HVCN1: variants seen among roughly 807,000 people sequenced by gnomAD.
HVCN1 encodes the protein voltage-gated hydrogen channel 1.
A neutral mutation model predicts 29.2 loss-of-function variants in HVCN1; 14 were observed. The observed-to-expected ratio is 0.48, with a 90% CI of 0.32 to 0.75. The LOEUF (loss-of-function observed/expected upper bound fraction) is 0.75. Among genes scored for constraint, HVCN1 ranks in the 30% least tolerant of loss-of-function variants. The probability of loss-of-function intolerance (pLI) is 0.04; values close to 1 mark genes in which losing one functional copy is unlikely to be tolerated. For synonymous variants in HVCN1, 131 were observed against 133.2 expected, an observed-to-expected ratio of 0.98 and a Z score of 0.11; for missense variants, 263 against 341.8, an observed-to-expected ratio of 0.77 and a Z score of 1.82.
At chr12:110,672,386 C>T (rs2068608446) in intron 3 of HVCN1, among the ~76,000 whole-genome samples, 1 of 152,182 alleles carries the variant, frequency 6.6e-6, no homozygotes, top group Non-Finnish European at 1.5e-5. Context: ...CCGGAAACCA[C>T]CTCAAAGTCT....
intron 2 of HVCN1, among the ~76,000 whole-genome samples, chr12:110,700,570 T>C (rs931400099): frequency 5.3e-5 from 8 of 152,142 alleles, no homozygotes; most frequent in African/African-American, 1.9e-4. Context: ...GGCAACTCAT[T>C]GTACTTGGGA....
At position 110,661,720 on chromosome 12, in the gene HVCN1, C is replaced by T. The variant is rs1336111864; in HGVS notation, c.22-272G>A. 2.0e-5 allele frequency among the ~76,000 whole-genome samples: 3 copies of T among 152,172 alleles called. No homozygotes were observed. The highest frequency in any genetic ancestry group is 4.4e-5 in the Non-Finnish European group (3 of 68,042). On this transcript the variant is annotated intron_variant, in intron 3 of 7. Transcript: ENST00000242607. This position sits in a 1 kb window ranked among gnomAD's most constrained non-coding sequence, Gnocchi z 6.2. ...AACCAACGGAATCAGTACTGCAGCCCGGTCCCAAAACACCCGCCACGGGCC... is the reference window on the plus strand; with the variant it reads ...AACCAACGGAATCAGTACTGCAGCCTGGTCCCAAAACACCCGCCACGGGCC...
Position 110,661,857 on chromosome 12 carries a change from A to G in HVCN1, c.22-409T>C, listed in dbSNP as rs1416050138. Among the ~76,000 whole-genome samples, 1 of 151,860 alleles carries G rather than the reference A, an allele frequency of 6.6e-6. No homozygotes were observed. The highest frequency in any genetic ancestry group is 2.4e-5 in the African/African-American group (1 of 41,322). ...GGAGAAGCCAAAAGTAAAAGTACCC[A>G]GAGTTTCATAGAAAAGTCACGAGAT... On this transcript the variant is annotated intron_variant, in intron 3 of 7. Coordinates refer to ENST00000242607, the MANE Select transcript of HVCN1 (RefSeq NM_032369.4). This position sits in a 1 kb window ranked among gnomAD's most constrained non-coding sequence, Gnocchi z 6.2.
At position 110,658,241 on chromosome 12, in the gene HVCN1, G is replaced by C. The variant is rs956653834; in HGVS notation, c.307-2903C>G. ...TAACTATTAATATATCAAGCACCTT[G>C]GCCATCTCAAACCACCCAAGAAAGG... On this transcript the variant is annotated intron_variant, in intron 4 of 7. Transcript: ENST00000242607. This position sits in a 1 kb window ranked among gnomAD's most constrained non-coding sequence, Gnocchi z 5.0. Among the ~76,000 whole-genome samples, 2 of 151,978 alleles carry C rather than the reference G, an allele frequency of 1.3e-5. No homozygotes were observed. Among genetic ancestry groups the C allele is most frequent in the Admixed American group, 6.6e-5 (1 of 15,264 alleles).
At chr12:110,696,775 A>G in intron 2 of HVCN1, among the ~76,000 whole-genome samples, 1 of 152,144 alleles carries the variant, frequency 6.6e-6, no homozygotes, top group East Asian at 1.9e-4. Flanking sequence ...TTATGGCCAA[A>G]GAATATTCCA....
chr12:110,661,541 T>C lies in HVCN1; in HGVS notation c.22-93A>G. ...CGGGCCAGGCCACTGCAGGTGAAGA[T>C]GGTCCCGGGTGCGTAGAACCCCCTG... On this transcript the variant is annotated intron_variant, in intron 3 of 7. Coordinates refer to ENST00000242607, the MANE Select transcript of HVCN1 (RefSeq NM_032369.4). This position sits in a 1 kb window ranked among gnomAD's most constrained non-coding sequence, Gnocchi z 6.2. 1 of 1,216,926 alleles carries C rather than the reference T, an allele frequency of 8.2e-7. No homozygotes were observed. Among genetic ancestry groups the C allele is most frequent in the South Asian group, 1.4e-5 (1 of 70,768 alleles). The allele number at this position is 1,216,926 out of a possible 1,614,324, so 75.4% of individuals were successfully genotyped here. A position where few individuals can be genotyped will look rare whatever the true frequency, so the allele number is the denominator to read the frequency against.
At chr12:110,657,845 C>T (rs527744748) in intron 4 of HVCN1, among the ~76,000 whole-genome samples, 3 of 152,232 alleles carry the variant, frequency 2.0e-5, no homozygotes, top group Non-Finnish European at 4.4e-5. Context: ...TCTAAATCCT[C>T]ACCCTGGCAA....
intron 3 of HVCN1, among the ~76,000 whole-genome samples, chr12:110,677,783 G>C (rs1032541671): frequency 5.3e-5 from 8 of 152,142 alleles, no homozygotes; most frequent in Admixed American, 5.2e-4. Flanking sequence ...AACAACCACC[G>C]TGACAGCTGA....
chr12:110,652,284 T>C (rs2136247090), intron 5 of HVCN1, among the ~76,000 whole-genome samples: 1 of 152,228 alleles, frequency 6.6e-6, no homozygotes, highest in Admixed American at 6.5e-5. Context: ...TCCCAGCTAT[T>C]TGGGAGGCTG....
upstream of HVCN1, among the ~76,000 whole-genome samples, chr12:110,692,857 C>T (rs1034991252): frequency 3.9e-5 from 6 of 152,034 alleles, no homozygotes; most frequent in Non-Finnish European, 5.9e-5. Flanking sequence ...CTAACTGAAA[C>T]GTATTATTAC....
chr12:110,692,656 C>T (rs942369350), upstream of HVCN1, among the ~76,000 whole-genome samples: 12 of 151,902 alleles, frequency 7.9e-5, no homozygotes, highest in Non-Finnish European at 1.3e-4. Flanking sequence ...CCCAGGAGTT[C>T]GAGGCTGCAG....
In HVCN1 at chr12:110,655,228, C is replaced by T. The variant is rs776422730; in HGVS notation, c.411+6G>A. 6 of 1,604,908 alleles carry T rather than the reference C, an allele frequency of 3.7e-6. No individual in the cohort carries two copies. The highest frequency in any genetic ancestry group is 5.1e-6 in the Non-Finnish European group (6 of 1,171,878). On this transcript the variant is annotated splice_donor_region_variant and intron_variant, in intron 5 of 7. Transcript: ENST00000242607. ...GTAAGACCCCAGAAGAGCTGTCAAC[C>T]CCTACCATGGCAGCATAGTTATTCT...
At chr12:110,659,412 C>T (rs1335445436) in intron 4 of HVCN1, among the ~76,000 whole-genome samples, 1 of 152,194 alleles carries the variant, frequency 6.6e-6, no homozygotes, top group Non-Finnish European at 1.5e-5. Flanking sequence ...AGAAGAGGGA[C>T]GGGTCTATTT....
At chr12:110,667,183 G>A (rs150426739) in intron 3 of HVCN1, among the ~76,000 whole-genome samples, 51 of 152,284 alleles carry the variant, frequency 3.3e-4, no homozygotes, top group African/African-American at 1.2e-3. Context: ...TCCCCATGCT[G>A]GAGTGCAGTG....
intron 2 of HVCN1, 145 bp from the exon 3 acceptor site, chr12:110,683,409 T>C (rs1249295357): frequency 1.1e-6 from 1 of 917,050 alleles, no homozygotes; most frequent in African/African-American, 1.7e-5. Flanking sequence ...ACAAAGTATA[T>C]GTAGGAGGGC....
chr12:110,664,682 C>T (rs1048069663), intron 3 of HVCN1, among the ~76,000 whole-genome samples: 1 of 152,298 alleles, frequency 6.6e-6, no homozygotes, highest in Middle Eastern at 3.4e-3. Flanking sequence ...AAGGCAAAGA[C>T]TATAGTTCAA....
rs2067621867 is a variant in HVCN1, at chr12:110,648,878, A to G, written c.*532T>C. ...AAAATGTTGTCAGGTGGCAGAAAAC[A>G]ATGGAGCCACCTAGAAGCTGGCTGA... On this transcript the variant is annotated 3_prime_UTR_variant, in exon 8 of 8. Coordinates refer to ENST00000242607, the MANE Select transcript of HVCN1 (RefSeq NM_032369.4). 7.8e-6 allele frequency: 3 copies of G among 386,798 alleles called. No homozygotes were observed. The highest frequency in any genetic ancestry group is 1.5e-5 in the Non-Finnish European group (3 of 201,846). The allele number at this position is 386,798 out of a possible 1,614,324, so 24.0% of individuals were successfully genotyped here.
intron 3 of HVCN1, among the ~76,000 whole-genome samples, chr12:110,680,303 G>T (rs1448436242): frequency 6.6e-6 from 1 of 151,984 alleles, no homozygotes; most frequent in Non-Finnish European, 1.5e-5. Context: ...GTGTGTCCCT[G>T]GTTGTGCATT....
intron 2 of HVCN1, among the ~76,000 whole-genome samples, 157 bp from the exon 3 acceptor site, chr12:110,683,421 T>C (rs1193781356): frequency 6.6e-6 from 1 of 152,192 alleles, no homozygotes; most frequent in Non-Finnish European, 1.5e-5. Context: ...TAGGAGGGCA[T>C]ACATCCTGGA....
Sources: allele counts gnomAD v4.1 joint callset (sites outside exome capture counted in the v4.1 genomes callset), GRCh38; gene constraint gnomAD v4.1.1; non-coding constraint Gnocchi (gnomAD v3.1); transcripts MANE v1.5; gene names NCBI Gene and HGNC (gene_info 2026-07-23, HGNC 2026-07-21).